CPT1C: variants seen among roughly 807,000 people sequenced by gnomAD.
CPT1C encodes palmitoyl thioesterase CPT1C.
In CPT1C, 61 loss-of-function variants were observed where a neutral mutation model predicts 97.3. The observed-to-expected ratio is 0.63, with a 90% CI of 0.51 to 0.78. The LOEUF (loss-of-function observed/expected upper bound fraction) is 0.78. Ranked by LOEUF, CPT1C falls within the 30% of genes least tolerant of loss-of-function variation. The pLI is 0.00. For missense variants in CPT1C, 975 were observed against 1,065.5 expected, an observed-to-expected ratio of 0.92 and a Z score of 1.18; for synonymous variants, 469 against 447.2, an observed-to-expected ratio of 1.05 and a Z score of -0.61.
In CPT1C at chr19:49,713,482, G is replaced by A. The variant is rs368751632; in HGVS notation, c.2289G>A (p.Gln763=). Residue 763 remains glutamine, a synonymous_variant, in exon 20 of 20, where the codon CAG becomes CAA. Coordinates refer to ENST00000598293, the MANE Select transcript of CPT1C (RefSeq NM_001199753.2). ...DALLDVASLF[Q]AGQHFKRRFR... ...TGCTGGATGTGGCCTCCCTGTTCCA[G>A]GCGGGACAGCATTTTAAGCGCCGGT... The A allele has an allele frequency of 2.5e-6, 4 of 1,614,122 alleles. No homozygotes were observed. Among genetic ancestry groups the A allele is most frequent in the Non-Finnish European group, 3.4e-6 (4 of 1,180,062 alleles).
At chr19:49,694,525 A>G (rs1052682961) in intron 3 of CPT1C, among the ~76,000 whole-genome samples, 3 of 150,542 alleles carry the variant, frequency 2.0e-5, no homozygotes, top group Non-Finnish European at 4.4e-5. Context: ...GCTACCTGGG[A>G]GGCTGAGGCA....
At chr19:49,697,624 G>T (rs774006006) in intron 4 of CPT1C, 159 bp downstream of exon 4, 1 of 827,858 alleles carries the variant, frequency 1.2e-6, no homozygotes, top group Non-Finnish European at 1.8e-6. Flanking sequence ...AGGAGGTGAG[G>T]CCGGGCACAG....
In CPT1C at chr19:49,705,113, C is replaced by T. The variant is rs764369739; in HGVS notation, c.878C>T (p.Pro293Leu). 2.2e-5 allele frequency: 36 copies of T among 1,613,906 alleles called. 1 individual carries two copies. Among genetic ancestry groups the T allele is most frequent in the South Asian group, 2.0e-4 (18 of 91,088 alleles). Residue 293 changes from proline (P) to leucine (L), a missense_variant and splice_region_variant, in exon 9 of 20, where the codon CCG (proline) becomes CTG (leucine). Physicochemically the swap from Pro to Leu is moderately conservative, Grantham distance 98. Transcript: ENST00000598293. ...CGCCTGAACCGCCAGGAGATACCCC[C>T]GGTGAGAGGGCCCCAGTGGGTTAGG... is the stretch of plus-strand genomic sequence containing the variant. ...RHRLNRQEIP[P>L]TLLMGMRPLC... is the part of the protein sequence containing the mutation.
chr19:49,699,664 G>T (rs1220196430), intron 4 of CPT1C, among the ~76,000 whole-genome samples: 1 of 151,904 alleles, frequency 6.6e-6, no homozygotes, highest in Non-Finnish European at 1.5e-5. Flanking sequence ...TTGTTAAACC[G>T]CTGACTATGG....
chr19:49,692,992 G>A (rs1430430702), intron 3 of CPT1C, among the ~76,000 whole-genome samples: 1 of 152,084 alleles, frequency 6.6e-6, no homozygotes, highest in African/African-American at 2.4e-5. Context: ...AGGTTCAAGC[G>A]ATTCTCCTGC....
intron 18 of CPT1C, 22 bp from the exon 19 acceptor site, chr19:49,712,945 TCTTCC>T (rs1434390443): frequency 1.9e-6 from 3 of 1,606,712 alleles, no homozygotes; most frequent in African/African-American, 1.3e-5. Flanking sequence ...GGAGCTATTT[TCTTCC>T]CTTCACTCTT....
At position 49,707,551 on chromosome 19, in the gene CPT1C, C is replaced by T. The variant is rs763703232; in HGVS notation, c.1377C>T (p.Phe459=). 3 of 1,614,034 alleles carry T rather than the reference C, an allele frequency of 1.9e-6. No individual in the cohort carries two copies. In the Admixed American group the frequency reaches 5.0e-5, roughly 27 times the overall value. The change falls in exon 13 of 20, where the codon TTC becomes TTT. Residue 459 remains phenylalanine (F), a synonymous_variant. Transcript: ENST00000598293. ...WFDKSFTLIV[F]SNGKLGLSVE... is the part of the protein sequence containing the mutation. Reference sequence around the variant, plus strand: ...ACAAATCCTTCACCCTAATCGTCTTCTCTAACGGGAAGCTGGGCCTCAGCG... The same window carrying T: ...ACAAATCCTTCACCCTAATCGTCTTTTCTAACGGGAAGCTGGGCCTCAGCG...
In CPT1C at chr19:49,699,966, T is replaced by G. The variant is rs117570382; in HGVS notation, c.282-718T>G. Among the ~76,000 whole-genome samples, 77 of 123,550 alleles carry G rather than the reference T, an allele frequency of 6.2e-4. 1 individual carries two copies. In the East Asian group the frequency reaches 0.019, roughly 30 times the overall value. 81.1% of individuals were successfully genotyped at this position (123,550 alleles called of 152,430 possible). On this transcript the variant is annotated intron_variant, in intron 4 of 19. Coordinates refer to ENST00000598293, the MANE Select transcript of CPT1C (RefSeq NM_001199753.2). The stretch of plus-strand genomic sequence containing the variant: ...GAAACTCCATCTCAAAAACAAAACA[T>G]GCCGGGCGTGGTGGCTCACGCCTGT...
chr19:49,702,007 A>AATATATTTATTTATAAATAAAT (rs1555779079), intron 7 of CPT1C, among the ~76,000 whole-genome samples: 1,533 of 42,198 alleles, frequency 0.036, 418 homozygotes, highest in Non-Finnish European at 0.047. Context: ...AAATATATTA[A>AATATATTTATTTATAAATAAAT]ATATATTTAT....
intron 3 of CPT1C, among the ~76,000 whole-genome samples, chr19:49,694,169 G>A (rs2082525096): frequency 6.6e-6 from 1 of 151,978 alleles, no homozygotes; most frequent in Admixed American, 6.6e-5. Flanking sequence ...TTCGAGTTGG[G>A]GGAGAAGGCA....
At chr19:49,702,902 G>A (rs1481583144) in intron 7 of CPT1C, among the ~76,000 whole-genome samples, 1 of 152,036 alleles carries the variant, frequency 6.6e-6, no homozygotes, top group Non-Finnish European at 1.5e-5. Context: ...AGAGTGAGAG[G>A]GGAAGGGAAG....
In CPT1C at chr19:49,708,034, A is replaced by G. The variant is rs1269462887; in HGVS notation, c.1449+411A>G. Among the ~76,000 whole-genome samples, 3 of 150,420 alleles carry G rather than the reference A, an allele frequency of 2.0e-5. No individual in the cohort carries two copies. In the East Asian group the frequency reaches 5.8e-4, roughly 29 times the overall value. ...AAAAAAAAAAAAAAAAAAAGAAAAG[A>G]AAAACTGAGGCTCAGGGAGAGGCAG... On this transcript the variant is annotated intron_variant, in intron 13 of 19. Coordinates refer to ENST00000598293, the MANE Select transcript of CPT1C (RefSeq NM_001199753.2).
Position 49,707,409 on chromosome 19 carries a change from T to C in CPT1C, c.1344-109T>C, listed in dbSNP as rs537556938. Reference sequence around the variant, plus strand: ...AGAGATCCCCATACCAGCACCCCAATGGATTCCCACATCTTCCCATCTAGA... The same window carrying C: ...AGAGATCCCCATACCAGCACCCCAACGGATTCCCACATCTTCCCATCTAGA... On this transcript the variant is annotated intron_variant, in intron 12 of 19. Coordinates refer to ENST00000598293, the MANE Select transcript of CPT1C (RefSeq NM_001199753.2). 6 of 772,296 alleles carry C rather than the reference T, an allele frequency of 7.8e-6. No homozygotes were observed. In the East Asian group the frequency reaches 1.6e-4, roughly 20 times the overall value. The allele number at this position is 772,296 out of a possible 1,614,324, so 47.8% of individuals were successfully genotyped here. A position where few individuals can be genotyped will look rare whatever the true frequency, so the allele number is the denominator to read the frequency against.
chr19:49,698,581 T>A (rs995405944), intron 4 of CPT1C, among the ~76,000 whole-genome samples: 4 of 151,662 alleles, frequency 2.6e-5, no homozygotes, highest in Non-Finnish European at 4.4e-5. Context: ...GATAATCACT[T>A]GAACCCGGGA....
rs770026916 is a variant in CPT1C at position 49,713,712 on chromosome 19, A to G, written c.*107A>G. 6.6e-6 allele frequency: 7 copies of G among 1,054,494 alleles called. No individual in the cohort carries two copies. Among genetic ancestry groups the G allele is most frequent in the African/African-American group, 3.2e-5 (2 of 62,814 alleles). The allele number at this position is 1,054,494 out of a possible 1,614,324, so 65.3% of individuals were successfully genotyped here. A position where few individuals can be genotyped will look rare whatever the true frequency, so the allele number is the denominator to read the frequency against. Reference sequence around the variant, plus strand: ...GTTTGGCAACCCCACATCCAGGCCAATAAAGATGTGTGAGCTGGGTGTGTG... The same window carrying G: ...GTTTGGCAACCCCACATCCAGGCCAGTAAAGATGTGTGAGCTGGGTGTGTG... On this transcript the variant is annotated 3_prime_UTR_variant, in exon 20 of 20. Coordinates refer to ENST00000598293, the MANE Select transcript of CPT1C (RefSeq NM_001199753.2).
intron 7 of CPT1C, 55 bp downstream of exon 7, chr19:49,701,689 C>T (rs1191518935): frequency 1.4e-5 from 21 of 1,517,116 alleles, no homozygotes; most frequent in Non-Finnish European, 1.7e-5. Context: ...GTTGTGAGCT[C>T]GCCTGCTAAA....
Position 49,692,263 on chromosome 19 carries a change from C to T in CPT1C, c.11C>T (p.Ala4Val), listed in dbSNP as rs373245393. 4 of 1,613,704 alleles carry T rather than the reference C, an allele frequency of 2.5e-6. No individual in the cohort carries two copies. Among genetic ancestry groups the T allele is most frequent in the African/African-American group, 2.7e-5 (2 of 74,914 alleles). Residue 4 changes from alanine to valine, a missense_variant, in exon 3 of 20, where the codon GCG (alanine) becomes GTG (valine). Physicochemically the swap from Ala to Val is moderately conservative, Grantham distance 64 (BLOSUM62 0). Around this residue, in one of 3 missense-constraint regions of CPT1C, gnomAD observed 596 missense variants for 603.1 expected, o/e 0.99. Transcript: ENST00000598293. ...GGGCTCCAGCGTGACATGGCTGAAG[C>T]GCACCAGGCCGTGGGCTTCCGACCC... is the stretch of plus-strand genomic sequence containing the variant. Reference protein sequence around the residue: MAEAHQAVGFRPSL... With the variant: MAEVHQAVGFRPSL...
At position 49,712,827 on chromosome 19, in the gene CPT1C, C is replaced by A; in HGVS notation, c.2111C>A (p.Ser704Tyr). 4 of 1,608,610 alleles carry A rather than the reference C, an allele frequency of 2.5e-6. No individual in the cohort carries two copies. The highest frequency in any genetic ancestry group is 3.4e-6 in the Non-Finnish European group (4 of 1,178,950). Residue 704 changes from serine (S) to tyrosine (Y), a missense_variant, in exon 18 of 20, where the codon TCC becomes TAC. By Grantham distance (144) the Ser-to-Tyr change is moderately radical. Coordinates refer to ENST00000598293, the MANE Select transcript of CPT1C (RefSeq NM_001199753.2). ...GTCCACAATTACCCGGACTATGTTTCCTCAGGCGGTGGATTCGGGCCTGTG... is the reference window on the plus strand; with the variant it reads ...GTCCACAATTACCCGGACTATGTTTACTCAGGCGGTGGATTCGGGCCTGTG... ...FDVHNYPDYV[S>Y]SGGGFGPADD...
At chr19:49,711,506 C>T (rs1445191959) in intron 16 of CPT1C, 2 of 411,032 alleles carry the variant, frequency 4.9e-6, no homozygotes, top group East Asian at 4.5e-5. Context: ...ATCCCACCTG[C>T]CCTGCACCTC....
Sources: allele counts gnomAD v4.1 joint callset (sites outside exome capture counted in the v4.1 genomes callset), GRCh38; gene constraint gnomAD v4.1.1; regional missense constraint gnomAD v4.1.1; transcripts MANE v1.5; gene names NCBI Gene and HGNC (gene_info 2026-07-23, HGNC 2026-07-21).